The following PID1 variants were observed in gnomAD, a reference collection of about 807,000 sequenced individuals.
PID1 encodes phosphotyrosine interaction domain containing 1.
Under a neutral mutation model 19.1 loss-of-function variants are expected in PID1, and 10 were observed. That is an observed-to-expected ratio of 0.52 (90% CI 0.32 to 0.89). PID1 has a LOEUF of 0.89. Ranked by LOEUF, PID1 falls within the 40% of genes least tolerant of loss-of-function variation. The pLI is 0.03. For synonymous variants in PID1, 130 were observed against 116.0 expected (o/e 1.12, Z -0.78); for missense variants, 248 against 285.3 (o/e 0.87, Z 0.94).
chr2:229,119,835 G>A (rs532175741), intron 2 of PID1, among the ~76,000 whole-genome samples: 35 of 152,268 alleles, frequency 2.3e-4, no homozygotes, highest in East Asian at 3.9e-4. Context: ...CAGGCCTCAC[G>A]TAATCTGTTG....
chr2:229,180,161 T>C (rs1690909309), intron 1 of PID1, among the ~76,000 whole-genome samples: 1 of 152,188 alleles, frequency 6.6e-6, no homozygotes, highest in South Asian at 2.1e-4. Flanking sequence ...GACCTAATTT[T>C]TTCTAGAGTA....
intron 2 of PID1, among the ~76,000 whole-genome samples, chr2:229,094,894 ATCTT>A (rs2106222606): frequency 6.6e-6 from 1 of 152,318 alleles, no homozygotes; most frequent in Non-Finnish European, 1.5e-5. Context: ...AACAAGTACT[ATCTT>A]AAAGATTTTA....
chr2:229,035,506 ATGTGTGTG>A (rs3083806), intron 2 of PID1, among the ~76,000 whole-genome samples: 42,254 of 148,108 alleles, frequency 0.29, 6,126 homozygotes, highest in Non-Finnish European at 0.32. Context: ...AATCATTTAT[ATGTGTGTG>A]TGTGTGTGTG....
chr2:229,083,579 C>T (rs1694708487), intron 2 of PID1, among the ~76,000 whole-genome samples: 1 of 152,154 alleles, frequency 6.6e-6, no homozygotes, highest in African/African-American at 2.4e-5. Flanking sequence ...CAAACAAACA[C>T]TTGATTCAGA....
At chr2:229,036,477 G>A (rs996195511) in intron 2 of PID1, among the ~76,000 whole-genome samples, 2 of 152,042 alleles carry the variant, frequency 1.3e-5, no homozygotes, top group Admixed American at 6.5e-5. Flanking sequence ...TAGGCCAGGT[G>A]TGGTGGCTCA....
chr2:229,127,790 C>T (rs1345291917), intron 2 of PID1, among the ~76,000 whole-genome samples: 1 of 152,154 alleles, frequency 6.6e-6, no homozygotes, highest in African/African-American at 2.4e-5. Context: ...AGTTCTAGAT[C>T]ACGAAAAAGA....
At chr2:229,171,254 G>A (rs1690707333) in intron 1 of PID1, among the ~76,000 whole-genome samples, 1 of 152,180 alleles carries the variant, frequency 6.6e-6, no homozygotes, top group African/African-American at 2.4e-5. Flanking sequence ...TTGGCAGTTT[G>A]GGAAGAAAGT....
intron 2 of PID1, among the ~76,000 whole-genome samples, chr2:229,030,657 T>A (rs1414408518): frequency 6.6e-6 from 1 of 152,152 alleles, no homozygotes; most frequent in Non-Finnish European, 1.5e-5. Flanking sequence ...TAAAAATACT[T>A]CTAAAAAACT....
intron 1 of PID1, among the ~76,000 whole-genome samples, chr2:229,226,301 T>C (rs985620472): frequency 1.3e-5 from 2 of 152,184 alleles, no homozygotes; most frequent in African/African-American, 4.8e-5. Context: ...TTCCCAACTT[T>C]CCAGAATTGG....
intron 1 of PID1, among the ~76,000 whole-genome samples, chr2:229,185,327 G>A (rs538095184): frequency 2.4e-4 from 36 of 151,852 alleles, no homozygotes; most frequent in African/African-American, 8.0e-4. Flanking sequence ...AGATGCCCTC[G>A]CTATACTCCT....
At chr2:229,049,416 C>T (rs1424954115) in intron 2 of PID1, among the ~76,000 whole-genome samples, 8 of 152,166 alleles carry the variant, frequency 5.3e-5, no homozygotes, top group Non-Finnish European at 7.4e-5. Flanking sequence ...ACTCCATTGG[C>T]CAGAATGTCT....
intron 1 of PID1, among the ~76,000 whole-genome samples, chr2:229,187,721 T>C (rs1210111869): frequency 6.6e-6 from 1 of 152,184 alleles, no homozygotes; most frequent in Non-Finnish European, 1.5e-5. Context: ...TAAAACAAGC[T>C]ATAATTTCCC....
chr2:229,026,427 CA>C (rs1308218002), intron 2 of PID1, among the ~76,000 whole-genome samples: 2 of 152,190 alleles, frequency 1.3e-5, no homozygotes, highest in Non-Finnish European at 2.9e-5. Flanking sequence ...CATAATTTGG[CA>C]TTCCTTTAAC....
intron 1 of PID1, chr2:229,262,820 T>C (rs1012280265): frequency 6.4e-6 from 10 of 1,550,960 alleles, no homozygotes; most frequent in Middle Eastern, 1.7e-4. Context: ...TGGCTTATGA[T>C]GCCATAACTC....
rs769479858 is a variant in PID1 at position 229,163,684 on chromosome 2, T to TGCGCGCGCATGTGC, written c.31-7721_31-7720insGCACATGCGCGCGC. ...GTGTGTGTGTGTGTGTGCGTGTGCGTGTGTGTGTGTGTATACTCACTAATT... is the reference window on the plus strand; with the variant it reads ...GTGTGTGTGTGTGTGTGCGTGTGCGTGCGCGCGCATGTGCGTGTGTGTGTGTATACTCACTAATT... On this transcript the variant is annotated intron_variant, in intron 1 of 2. Transcript: ENST00000392055. Among the ~76,000 whole-genome samples the TGCGCGCGCATGTGC allele has an allele frequency of 2.8e-3, 218 of 78,108 alleles. 1 individual carries two copies. Among genetic ancestry groups the TGCGCGCGCATGTGC allele is most frequent in the African/African-American group, 7.8e-3 (204 of 26,224 alleles). The allele number at this position is 78,108 out of a possible 152,430, so 51.2% of individuals were successfully genotyped here. A position where few individuals can be genotyped will look rare whatever the true frequency, so the allele number is the denominator to read the frequency against.
intron 2 of PID1, among the ~76,000 whole-genome samples, chr2:229,106,074 C>T (rs200017035): frequency 9.3e-4 from 6 of 6,450 alleles, no homozygotes; most frequent in Non-Finnish European, 1.5e-3. Flanking sequence ...AGCGAGATTC[C>T]GTCAAAAAAA....
intron 1 of PID1, among the ~76,000 whole-genome samples, chr2:229,252,317 C>T (rs893328742): frequency 1.6e-4 from 24 of 152,148 alleles, no homozygotes; most frequent in Non-Finnish European, 3.4e-4. Context: ...GATGTGGTCA[C>T]AAATAACAGA....
At chr2:229,087,449 G>T (rs149238717) in intron 2 of PID1, among the ~76,000 whole-genome samples, 1 of 152,282 alleles carries the variant, frequency 6.6e-6, no homozygotes, top group South Asian at 2.1e-4. Context: ...ACTGGCAGCC[G>T]CATAAGAGGG....
intron 1 of PID1, among the ~76,000 whole-genome samples, chr2:229,268,453 A>G (rs765747581): frequency 3.9e-5 from 6 of 152,158 alleles, no homozygotes; most frequent in Non-Finnish European, 7.3e-5. Flanking sequence ...ATCATCAAGA[A>G]AGGGTCTGGT....
Sources: gnomAD v4.1 joint callset for allele counts (sites outside exome capture counted in the v4.1 genomes callset) on GRCh38, gnomAD v4.1.1 for gene constraint, MANE v1.5 for transcripts, NCBI Gene and HGNC (gene_info 2026-07-23, HGNC 2026-07-21) for gene names.